MACROD2: variants seen among roughly 807,000 people sequenced by gnomAD.
MACROD2 encodes ADP-ribose glycohydrolase MACROD2.
A neutral mutation model predicts 70.4 loss-of-function variants in MACROD2; 36 were observed. The observed-to-expected ratio is 0.51, with a 90% CI of 0.39 to 0.68. The LOEUF (loss-of-function observed/expected upper bound fraction) is 0.68. Ranked by LOEUF, MACROD2 falls within the 30% of genes least tolerant of loss-of-function variation. The pLI is 0.00. For missense variants in MACROD2, 496 were observed against 538.4 expected (o/e 0.92, Z 0.78); for synonymous variants, 172 against 178.8 (o/e 0.96, Z 0.30).
chr20:14,042,835 C>T (rs1409790204), intron 2 of MACROD2, among the ~76,000 whole-genome samples: 2 of 151,994 alleles, frequency 1.3e-5, no homozygotes, highest in African/African-American at 4.8e-5. Flanking sequence ...TACCTGAAGA[C>T]AGCATCAAAG....
chr20:14,485,701 C>CAAAAAAAAAAAAA (rs1276490399), intron 3 of MACROD2, among the ~76,000 whole-genome samples: 1 of 61,872 alleles, frequency 1.6e-5, no homozygotes, highest in Non-Finnish European at 2.7e-5. Context: ...GACTCCGTCT[C>CAAAAAAAAAAAAA]AAAAAAAAAA....
At chr20:16,016,838 C>T (rs189360288) in intron 15 of MACROD2, among the ~76,000 whole-genome samples, 3 of 152,306 alleles carry the variant, frequency 2.0e-5, no homozygotes, top group Non-Finnish European at 4.4e-5. Context: ...TTCCATTGTT[C>T]TTAATGGTCA....
chr20:14,115,475 G>C (rs779340356), intron 3 of MACROD2, among the ~76,000 whole-genome samples: 1 of 152,124 alleles, frequency 6.6e-6, no homozygotes, highest in Non-Finnish European at 1.5e-5. Flanking sequence ...CCTCAAGCTA[G>C]ACTTAGGTTG....
rs189878154 is a variant in MACROD2, at chr20:15,194,960, G to A, written c.419-34980G>A. ...CAGTTTTAACTTTTGTGGTATTAAA[G>A]AATCGTTTTCTAAGCAATGGGGAAA... On this transcript the variant is annotated intron_variant, in intron 5 of 17. Coordinates refer to ENST00000684519, the MANE Select transcript of MACROD2 (RefSeq NM_001351661.2). Among the ~76,000 whole-genome samples the A allele has an allele frequency of 1.6e-3, 249 of 152,146 alleles. 1 individual carries two copies. Among genetic ancestry groups the A allele is most frequent in the South Asian group, 0.016 (77 of 4,820 alleles).
intron 8 of MACROD2, among the ~76,000 whole-genome samples, chr20:15,837,826 TA>T (rs1228937978): frequency 6.6e-6 from 1 of 152,206 alleles, no homozygotes; most frequent in Non-Finnish European, 1.5e-5. Context: ...TTGTTGGTCC[TA>T]ACCTCCTGTT....
At chr20:15,032,343 G>A (rs532050077) in intron 5 of MACROD2, among the ~76,000 whole-genome samples, 20 of 152,334 alleles carry the variant, frequency 1.3e-4, no homozygotes, top group Admixed American at 1.1e-3. Context: ...GGCTCCGCAC[G>A]CTGCCCTGGC....
intron 15 of MACROD2, among the ~76,000 whole-genome samples, chr20:16,003,799 T>A (rs2066748616): frequency 6.6e-6 from 1 of 152,012 alleles, no homozygotes; most frequent in South Asian, 2.1e-4. Context: ...GCCTCCTGAG[T>A]AGCTGGGATT....
At chr20:16,015,895 C>T (rs1335543379) in intron 15 of MACROD2, among the ~76,000 whole-genome samples, 1 of 151,890 alleles carries the variant, frequency 6.6e-6, no homozygotes, top group African/African-American at 2.4e-5. Flanking sequence ...CATCTTTGTT[C>T]TTATTGATTT....
intron 5 of MACROD2, among the ~76,000 whole-genome samples, chr20:14,990,247 A>G (rs2074889313): frequency 6.6e-6 from 1 of 152,092 alleles, no homozygotes. Context: ...CGGGAGATAC[A>G]CAATAGATAA....
intron 3 of MACROD2, among the ~76,000 whole-genome samples, chr20:14,248,783 C>T (rs1048631279): frequency 2.0e-5 from 3 of 151,994 alleles, no homozygotes; most frequent in Admixed American, 2.0e-4. Flanking sequence ...ATGCATTTCA[C>T]CTAAGGGATA....
chr20:15,574,133 T>G lies in MACROD2; in HGVS notation c.645+74286T>G, dbSNP rs368942985. Reference sequence around the variant, plus strand: ...ACTACAAAAAAAATCATGTGCTATTTCATAAAATTCCAAGCATGTGCAGAC... The same window carrying G: ...ACTACAAAAAAAATCATGTGCTATTGCATAAAATTCCAAGCATGTGCAGAC... On this transcript the variant is annotated intron_variant, in intron 8 of 17. Coordinates refer to ENST00000684519, the MANE Select transcript of MACROD2 (RefSeq NM_001351661.2). Among the ~76,000 whole-genome samples, 5 of 152,150 alleles carry G rather than the reference T, an allele frequency of 3.3e-5. No individual in the cohort carries two copies. The East Asian group carries it at 9.6e-4, about 29-fold the overall frequency.
intron 4 of MACROD2, among the ~76,000 whole-genome samples, chr20:14,505,164 A>G (rs1371219022): frequency 6.6e-6 from 1 of 152,208 alleles, no homozygotes; most frequent in Non-Finnish European, 1.5e-5. Flanking sequence ...GAACATATGT[A>G]CCAGTTATAC....
intron 5 of MACROD2, among the ~76,000 whole-genome samples, chr20:15,050,447 A>C (rs1027483369): frequency 6.6e-6 from 1 of 151,806 alleles, no homozygotes; most frequent in South Asian, 2.1e-4. Flanking sequence ...CGATACTCAT[A>C]TATAAAAAGT....
At chr20:14,332,144 A>G (rs570522347) in intron 3 of MACROD2, among the ~76,000 whole-genome samples, 11 of 152,258 alleles carry the variant, frequency 7.2e-5, no homozygotes, top group East Asian at 1.9e-4. Flanking sequence ...TGATGAATCA[A>G]ATTTTTAATA....
At chr20:15,458,185 T>G (rs1016452500) in intron 7 of MACROD2, among the ~76,000 whole-genome samples, 11 of 152,164 alleles carry the variant, frequency 7.2e-5, no homozygotes, top group Admixed American at 6.6e-4. Context: ...AAAGATGTTT[T>G]GGATAATAAA....
chr20:14,039,627 CG>C (rs1256479569), intron 2 of MACROD2, among the ~76,000 whole-genome samples: 5 of 151,862 alleles, frequency 3.3e-5, no homozygotes, highest in Non-Finnish European at 7.4e-5. Context: ...CAGGGAAAAC[CG>C]GTGATAGATA....
At chr20:14,137,063 T>C (rs1344854444) in intron 3 of MACROD2, among the ~76,000 whole-genome samples, 1 of 152,110 alleles carries the variant, frequency 6.6e-6, no homozygotes, top group Non-Finnish European at 1.5e-5. Context: ...AAAGGCTTAC[T>C]ACAAAAAGGG....
At chr20:14,003,081 A>G (rs907883282) in intron 2 of MACROD2, among the ~76,000 whole-genome samples, 1 of 152,228 alleles carries the variant, frequency 6.6e-6, no homozygotes, top group Non-Finnish European at 1.5e-5. Context: ...AATGATCTGG[A>G]TGTGAAGTTT....
intron 10 of MACROD2, among the ~76,000 whole-genome samples, chr20:15,899,958 C>T (rs1040021726): frequency 4.0e-5 from 6 of 151,866 alleles, no homozygotes; most frequent in African/African-American, 1.5e-4. Flanking sequence ...ATACATGAAC[C>T]ATTTATGGAA....
Sources: gnomAD v4.1 joint callset for allele counts (sites outside exome capture counted in the v4.1 genomes callset) on GRCh38, gnomAD v4.1.1 for gene constraint, MANE v1.5 for transcripts, NCBI Gene and HGNC (gene_info 2026-07-23, HGNC 2026-07-21) for gene names.